Variants in ITSN1 observed in about 807,000 individuals in gnomAD.
ITSN1 encodes the protein intersectin-1.
ITSN1 carries 58 observed loss-of-function variants against 239.8 expected under a neutral mutation model. That is an observed-to-expected ratio of 0.24 (90% confidence interval 0.20 to 0.30). ITSN1 has a LOEUF of 0.30. ITSN1 is among the 10% of genes least tolerant of loss of function. ITSN1 has a pLI of 1.00. For synonymous variants in ITSN1, 780 were observed against 770.8 expected (o/e 1.01, Z -0.20); for missense variants, 1,558 against 2,103.3 (o/e 0.74, Z 5.07).
At chr21:33,748,981 C>G (rs925675462) in intron 5 of ITSN1, among the ~76,000 whole-genome samples, 1 of 130,248 alleles carries the variant, frequency 7.7e-6, no homozygotes, top group Non-Finnish European at 1.6e-5. Flanking sequence ...AGAAGGTAAG[C>G]TTTTTTACTT....
intron 9 of ITSN1, among the ~76,000 whole-genome samples, chr21:33,765,282 T>C (rs2068638752): frequency 6.6e-6 from 1 of 152,212 alleles, no homozygotes; most frequent in Admixed American, 6.5e-5. Flanking sequence ...ATAGGCTCAC[T>C]TGAGGCCAGG....
intron 5 of ITSN1, 54 bp downstream of exon 5, chr21:33,735,258 A>G (rs2066425727): frequency 4.5e-6 from 7 of 1,560,012 alleles, no homozygotes; most frequent in East Asian, 2.3e-5. Flanking sequence ...TTAAAAATAA[A>G]TGTTTTCCTT....
chr21:33,752,229 A>G (rs1668031930), intron 7 of ITSN1, among the ~76,000 whole-genome samples: 1 of 152,108 alleles, frequency 6.6e-6, no homozygotes, highest in East Asian at 1.9e-4. Context: ...AAGGGAAAAA[A>G]GCAAATGAAC....
intron 1 of ITSN1, among the ~76,000 whole-genome samples, chr21:33,644,094 A>C (rs1477874338): frequency 6.6e-6 from 1 of 152,192 alleles, no homozygotes; most frequent in Non-Finnish European, 1.5e-5. Context: ...TTTTTAGATG[A>C]CTTTAAGGTT....
chr21:33,654,439 A>G (rs2088853001), intron 1 of ITSN1, among the ~76,000 whole-genome samples: 1 of 152,076 alleles, frequency 6.6e-6, no homozygotes, highest in Non-Finnish European at 1.5e-5. Context: ...AACGTTAGTT[A>G]TTAGTTCCGT....
chr21:33,829,351 G>A (rs190065121), intron 26 of ITSN1: 6 of 410,122 alleles, frequency 1.5e-5, no homozygotes, highest in South Asian at 5.1e-5. Flanking sequence ...AGCGGACTTC[G>A]TGGAGGGAAG....
intron 1 of ITSN1, among the ~76,000 whole-genome samples, chr21:33,679,038 A>G (rs1156989586): frequency 6.6e-6 from 1 of 152,124 alleles, no homozygotes; most frequent in African/African-American, 2.4e-5. Context: ...TTCCTGTCCA[A>G]GAGTACTTTT....
At chr21:33,669,968 C>CA (rs747408664) in intron 1 of ITSN1, among the ~76,000 whole-genome samples, 1 of 152,154 alleles carries the variant, frequency 6.6e-6, no homozygotes, top group Non-Finnish European at 1.5e-5. Context: ...CTCTCACTCT[C>CA]ACTCAGGTGT....
chr21:33,713,579 C>A (rs1442630044), intron 1 of ITSN1, among the ~76,000 whole-genome samples: 1 of 151,904 alleles, frequency 6.6e-6, no homozygotes, highest in Non-Finnish European at 1.5e-5. Flanking sequence ...ATATTTTTTT[C>A]AAATTGTAGT....
At chr21:33,726,360 A>G (rs200483712) in intron 4 of ITSN1, among the ~76,000 whole-genome samples, 2 of 73,102 alleles carry the variant, frequency 2.7e-5, no homozygotes, top group African/African-American at 8.1e-5. Context: ...TCCAACCCCC[A>G]TACTATTTTT....
Position 33,735,102 on chromosome 21 carries a change from A to G in ITSN1, c.244A>G (p.Met82Val). 3 of 1,614,064 alleles carry G rather than the reference A, an allele frequency of 1.9e-6. No individual in the cohort carries two copies. Among genetic ancestry groups the G allele is most frequent in the Non-Finnish European group, 8.5e-7 (1 of 1,179,920 alleles). The change falls in exon 5 of 40, where the codon ATG becomes GTG. Residue 82 changes from methionine (M) to valine (V), a missense_variant. Met to Val is a conservative substitution (Grantham distance 21, BLOSUM62 1). This residue lies in a region of ITSN1 where 982 missense variants were observed against 1,209.9 expected (regional missense o/e 0.81). Coordinates refer to ENST00000381318, the MANE Select transcript of ITSN1 (RefSeq NM_003024.3). ...RMDQVEFSIA[M>V]KLIKLKLQGY... ...GGATCAAGTGGAGTTTTCCATAGCTATGAAACTTATCAAACTGAAGCTACA... is the reference window on the plus strand; with the variant it reads ...GGATCAAGTGGAGTTTTCCATAGCTGTGAAACTTATCAAACTGAAGCTACA...
chr21:33,693,892 A>G (rs981887684), intron 1 of ITSN1, among the ~76,000 whole-genome samples: 2 of 152,226 alleles, frequency 1.3e-5, no homozygotes, highest in Non-Finnish European at 2.9e-5. Flanking sequence ...TATAAGTGAA[A>G]ATATTTACAA....
intron 29 of ITSN1, chr21:33,837,181 C>T (rs1030750865): frequency 2.5e-5 from 33 of 1,325,084 alleles, no homozygotes; most frequent in African/African-American, 9.0e-5. Flanking sequence ...TGCATGTGAT[C>T]GCAATGTTTG....
intron 28 of ITSN1, 57 bp from the exon 29 acceptor site, chr21:33,836,384 C>T (rs2074604588): frequency 3.0e-6 from 4 of 1,316,534 alleles, no homozygotes; most frequent in Non-Finnish European, 4.2e-6. Context: ...CTGCGCGGTA[C>T]CCGTTGTGCA....
chr21:33,794,594 G>A (rs895059522), intron 17 of ITSN1, 126 bp downstream of exon 17: 4 of 1,280,178 alleles, frequency 3.1e-6, no homozygotes, highest in South Asian at 1.5e-5. Flanking sequence ...CATGTGAAGT[G>A]TGAGTGCAAA....
chr21:33,652,769 G>A (rs2088657623), intron 1 of ITSN1, among the ~76,000 whole-genome samples: 2 of 151,930 alleles, frequency 1.3e-5, no homozygotes, highest in African/African-American at 4.8e-5. Context: ...ATGCCTATTG[G>A]CCTTACACAA....
intron 1 of ITSN1, among the ~76,000 whole-genome samples, chr21:33,657,768 T>C (rs988736750): frequency 5.9e-5 from 9 of 152,146 alleles, no homozygotes; most frequent in Admixed American, 5.9e-4. Context: ...AGAAGGTTGC[T>C]CGAGACCAGG....
chr21:33,814,623 T>A (rs2073141832), intron 22 of ITSN1: 1 of 152,712 alleles, frequency 6.5e-6, no homozygotes, highest in Non-Finnish European at 1.5e-5. Flanking sequence ...CAAATTTCTA[T>A]CAATAATCAT....
Position 33,810,807 on chromosome 21 carries a change from A to G in ITSN1, c.2320-168A>G. The stretch of plus-strand genomic sequence containing the variant: ...TGAATTATAGTGCATTTTTTTTTTC[A>G]GCATTACTGCTTAGACTCTTTTCCC... On this transcript the variant is annotated intron_variant, in intron 20 of 39. Transcript: ENST00000381318. The G allele has an allele frequency of 3.7e-6, 3 of 815,878 alleles. No homozygotes were observed. In the South Asian group the frequency reaches 4.3e-5, roughly 12 times the overall value. The allele number at this position is 815,878 out of a possible 1,614,324, so 50.5% of individuals were successfully genotyped here.
Sources: allele counts gnomAD v4.1 joint callset (sites outside exome capture counted in the v4.1 genomes callset), GRCh38; gene constraint gnomAD v4.1.1; regional missense constraint gnomAD v4.1.1; transcripts MANE v1.5; gene names NCBI Gene and HGNC (gene_info 2026-07-23, HGNC 2026-07-21).